The following TMEM179B variants were observed in gnomAD, a reference collection of about 807,000 sequenced individuals.
TMEM179B encodes the protein transmembrane protein 179B.
A neutral mutation model predicts 18.0 loss-of-function variants in TMEM179B; 13 were observed. That is an observed-to-expected ratio of 0.72 (90% CI 0.47 to 1.15). The LOEUF (loss-of-function observed/expected upper bound fraction) is 1.15. Ranked by LOEUF, TMEM179B falls within the 50% of genes most tolerant of loss-of-function variation. The probability of loss-of-function intolerance (pLI) is 0.00; values close to 1 mark genes in which losing one functional copy is unlikely to be tolerated. For missense variants in TMEM179B, 320 were observed against 270.6 expected, an observed-to-expected ratio of 1.18 and a Z score of -1.28; for synonymous variants, 159 against 117.5, an observed-to-expected ratio of 1.35 and a Z score of -2.29.
chr11:62,787,437 G>C lies in TMEM179B; in HGVS notation c.6G>C (p.Ala2=). The C allele has an allele frequency of 1.3e-6, 2 of 1,563,930 alleles. No homozygotes were observed. The highest frequency in any genetic ancestry group is 1.7e-6 in the Non-Finnish European group (2 of 1,161,952). The change falls in exon 1 of 5, where the codon GCG becomes GCC. Residue 2 remains alanine (A), a synonymous_variant. Transcript: ENST00000333449. M[A]LSWLQRVELA... ...TTCCTGGTGGTCAGGGCGCCATGGCGCTGTCCTGGCTGCAGCGCGTCGAGC... is the reference window on the plus strand; with the variant it reads ...TTCCTGGTGGTCAGGGCGCCATGGCCCTGTCCTGGCTGCAGCGCGTCGAGC...
Position 62,789,123 on chromosome 11 carries a change from T to C in TMEM179B, c.197T>C (p.Val66Ala), listed in dbSNP as rs763663903. Residue 66 changes from valine to alanine, a missense_variant, in exon 2 of 5, where the codon GTA becomes GCA. Coordinates refer to ENST00000333449, the MANE Select transcript of TMEM179B (RefSeq NM_199337.3). ...TCAGCACCATCCCTGTGCTACTTTG[T>C]AGCTGGGGCCTCTGGCCTCTTGGCC... ...RPSAPSLCYFVAGASGLLALY... is the reference protein window; with the variant it reads ...RPSAPSLCYFAAGASGLLALY... The C allele has an allele frequency of 6.2e-7, 1 of 1,614,208 alleles. No individual in the cohort carries two copies. Among genetic ancestry groups the C allele is most frequent in the South Asian group, 1.1e-5 (1 of 91,090 alleles).
chr11:62,787,492 G>C lies in TMEM179B; in HGVS notation c.61G>C (p.Gly21Arg). 1.3e-6 allele frequency: 2 copies of C among 1,579,780 alleles called. No individual in the cohort carries two copies. Among genetic ancestry groups the C allele is most frequent in the African/African-American group, 1.3e-5 (1 of 74,320 alleles). Residue 21 changes from glycine (G) to arginine (R), a missense_variant, in exon 1 of 5, where the codon GGG (glycine) becomes CGG (arginine). Physicochemically the swap from Gly to Arg is moderately radical, Grantham distance 125 (BLOSUM62 -2). Transcript: ENST00000333449. ...GCTCTTTGCTGCCGCCTTCCTGTGC[G>C]GGGCCGTGGCGGCCGCGGCGATGAC... is the stretch of plus-strand genomic sequence containing the variant. Reference protein sequence around the residue: ...LALFAAAFLCGAVAAAAMTRT... With the variant: ...LALFAAAFLCRAVAAAAMTRT...
rs772122772 is a variant in TMEM179B, at chr11:62,790,278, G to A, written c.*231G>A. The A allele has an allele frequency of 1.4e-5, 8 of 567,418 alleles. No individual in the cohort carries two copies. The highest frequency in any genetic ancestry group is 2.4e-5 in the Non-Finnish European group (8 of 332,680). 35.1% of individuals were successfully genotyped at this position (567,418 alleles called of 1,614,324 possible). A position where few individuals can be genotyped will look rare whatever the true frequency, so the allele number is the denominator to read the frequency against. On this transcript the variant is annotated 3_prime_UTR_variant, in exon 5 of 5. Transcript: ENST00000333449. Reference sequence around the variant, plus strand: ...AGTTTTTGATGTTAAAGTACAACTAGATAGGAGGAAGGAGTGAAGGCTAAG... The same window carrying A: ...AGTTTTTGATGTTAAAGTACAACTAAATAGGAGGAAGGAGTGAAGGCTAAG...
In TMEM179B at chr11:62,790,052, T is replaced by G; in HGVS notation, c.*5T>G. The stretch of plus-strand genomic sequence containing the variant: ...TCACGCCTTTCCCATTCCTGAAGAA[T>G]AAGCGGAGTGCTTCCTGCAGCCGAA... On this transcript the variant is annotated 3_prime_UTR_variant, in exon 5 of 5. Coordinates refer to ENST00000333449, the MANE Select transcript of TMEM179B (RefSeq NM_199337.3). 7 of 1,604,252 alleles carry G rather than the reference T, an allele frequency of 4.4e-6. No individual in the cohort carries two copies. The highest frequency in any genetic ancestry group is 6.0e-6 in the Non-Finnish European group (7 of 1,174,674).
At chr11:62,788,571 G>A (rs1010631798) in intron 1 of TMEM179B, among the ~76,000 whole-genome samples, 2 of 151,862 alleles carry the variant, frequency 1.3e-5, no homozygotes, top group African/African-American at 4.8e-5. Context: ...AGGCATGGTG[G>A]CGGGTGCCTG....
chr11:62,788,536 C>G (rs897659612), intron 1 of TMEM179B, among the ~76,000 whole-genome samples: 1 of 152,114 alleles, frequency 6.6e-6, no homozygotes, highest in African/African-American at 2.4e-5. Context: ...AACCCTGTCT[C>G]TACTAAAAAT....
intron 3 of TMEM179B, 65 bp downstream of exon 3, chr11:62,789,491 A>C: frequency 1.2e-6 from 2 of 1,608,138 alleles, no homozygotes; most frequent in Non-Finnish European, 8.5e-7. Context: ...GGGGTCCTAT[A>C]ATTTCCTTTT....
At chr11:62,788,190 G>A (rs914053830) in intron 1 of TMEM179B, among the ~76,000 whole-genome samples, 2 of 151,568 alleles carry the variant, frequency 1.3e-5, no homozygotes, top group Admixed American at 1.3e-4. Flanking sequence ...ATCACTTGAG[G>A]TCAGGAGTTC....
chr11:62,789,526 A>C, intron 3 of TMEM179B, 75 bp from the exon 4 acceptor site: 1 of 1,586,512 alleles, frequency 6.3e-7, no homozygotes, highest in South Asian at 1.1e-5. Context: ...CTCTCAACTC[A>C]CAGGGCACTG....
chr11:62,787,408 G>T lies in TMEM179B; in HGVS notation c.-24G>T. 6.4e-7 allele frequency: 1 copy of T among 1,556,018 alleles called. No individual in the cohort carries two copies. Among genetic ancestry groups the T allele is most frequent in the Non-Finnish European group, 8.6e-7 (1 of 1,159,158 alleles). ...CTTTGGGCGGGGTGCTGCTGCAGCGGCGCTTCCTGGTGGTCAGGGCGCCAT... is the reference window on the plus strand; with the variant it reads ...CTTTGGGCGGGGTGCTGCTGCAGCGTCGCTTCCTGGTGGTCAGGGCGCCAT... On this transcript the variant is annotated 5_prime_UTR_variant, in exon 1 of 5. Transcript: ENST00000333449.
Position 62,787,405 on chromosome 11 carries a change from G to A in TMEM179B, c.-27G>A. ...GGGCTTTGGGCGGGGTGCTGCTGCA[G>A]CGGCGCTTCCTGGTGGTCAGGGCGC... is the stretch of plus-strand genomic sequence containing the variant. On this transcript the variant is annotated 5_prime_UTR_variant, in exon 1 of 5. Coordinates refer to ENST00000333449, the MANE Select transcript of TMEM179B (RefSeq NM_199337.3). 6.4e-7 allele frequency: 1 copy of A among 1,557,000 alleles called. No homozygotes were observed. The highest frequency in any genetic ancestry group is 8.6e-7 in the Non-Finnish European group (1 of 1,159,744).
chr11:62,789,008 A>G lies in TMEM179B; in HGVS notation c.97-15A>G. The G allele has an allele frequency of 6.2e-7, 1 of 1,602,896 alleles. No homozygotes were observed. The highest frequency in any genetic ancestry group is 1.1e-5 in the South Asian group (1 of 90,594). On this transcript the variant is annotated splice_polypyrimidine_tract_variant and intron_variant, in intron 1 of 4. Transcript: ENST00000333449. ...ATTAACCTGAAATCTAGGACTCAGC[A>G]GCTTCTCTCCACAGGGCTCCTTCAG...
chr11:62,789,322 C>A lies in TMEM179B; in HGVS notation c.315C>A (p.Ala105=). 6.2e-7 allele frequency: 1 copy of A among 1,614,062 alleles called. No homozygotes were observed. Among genetic ancestry groups the A allele is most frequent in the Non-Finnish European group, 8.5e-7 (1 of 1,179,996 alleles). ...CTATAGGGCTGCGCATTGCACTGGC[C>A]ATCTCAGCTATAGCCGTCTTCCTGG... ...RGAIGLRIAL[A]ISAIAVFLVL... is the part of the protein sequence containing the mutation. The change falls in exon 3 of 5, where the codon GCC becomes GCA. Residue 105 remains alanine, a synonymous_variant. Coordinates refer to ENST00000333449, the MANE Select transcript of TMEM179B (RefSeq NM_199337.3).
Position 62,789,165 on chromosome 11 carries a change from T to C in TMEM179B, c.239T>C (p.Leu80Pro). 6.2e-7 allele frequency: 1 copy of C among 1,614,170 alleles called. No homozygotes were observed. The highest frequency in any genetic ancestry group is 8.5e-7 in the Non-Finnish European group (1 of 1,180,030). Reference sequence around the variant, plus strand: ...CTCTTGGCCCTCTACTGCCTCCTGCTTTTGCTCTTCTGGATCTACAGCAGC... The same window carrying C: ...CTCTTGGCCCTCTACTGCCTCCTGCCTTTGCTCTTCTGGATCTACAGCAGC... Reference protein sequence around the residue: ...SGLLALYCLLLLLFWIYSSCI... With the variant: ...SGLLALYCLLPLLFWIYSSCI... The change falls in exon 2 of 5, where the codon CTT becomes CCT. Residue 80 changes from leucine (L) to proline (P), a missense_variant. Transcript: ENST00000333449.
chr11:62,787,638 G>A (rs572874869), intron 1 of TMEM179B, 111 bp downstream of exon 1: 1 of 1,336,656 alleles, frequency 7.5e-7, no homozygotes, highest in South Asian at 1.5e-5. Flanking sequence ...CGGTGGACCT[G>A]GTGAGGCACG....
rs1052852623 is a variant in TMEM179B, at chr11:62,787,439, T to A, written c.8T>A (p.Leu3Gln). The A allele has an allele frequency of 1.3e-6, 2 of 1,565,512 alleles. No individual in the cohort carries two copies. Among genetic ancestry groups the A allele is most frequent in the African/African-American group, 2.7e-5 (2 of 73,438 alleles). The change falls in exon 1 of 5, where the codon CTG becomes CAG. Residue 3 changes from leucine to glutamine, a missense_variant. Physicochemically the swap from Leu to Gln is moderately radical, Grantham distance 113 (BLOSUM62 -2). Coordinates refer to ENST00000333449, the MANE Select transcript of TMEM179B (RefSeq NM_199337.3). The part of the protein sequence containing the change: MA[L>Q]SWLQRVELAL... ...CCTGGTGGTCAGGGCGCCATGGCGC[T>A]GTCCTGGCTGCAGCGCGTCGAGCTT...
rs758719630 is a variant in TMEM179B at position 62,787,441 on chromosome 11, T to G, written c.10T>G (p.Ser4Ala). 2 of 1,568,878 alleles carry G rather than the reference T, an allele frequency of 1.3e-6. No homozygotes were observed. The highest frequency in any genetic ancestry group is 1.7e-6 in the Non-Finnish European group (2 of 1,164,556). Reference sequence around the variant, plus strand: ...TGGTGGTCAGGGCGCCATGGCGCTGTCCTGGCTGCAGCGCGTCGAGCTTGC... The same window carrying G: ...TGGTGGTCAGGGCGCCATGGCGCTGGCCTGGCTGCAGCGCGTCGAGCTTGC... The part of the protein sequence containing the change: MAL[S>A]WLQRVELALF... Residue 4 changes from serine to alanine, a missense_variant, in exon 1 of 5, where the codon TCC becomes GCC. Transcript: ENST00000333449.
chr11:62,788,973 A>G (rs778574561), intron 1 of TMEM179B, 50 bp from the exon 2 acceptor site: 4 of 1,565,822 alleles, frequency 2.6e-6, no homozygotes, highest in Non-Finnish European at 1.7e-6. Context: ...AAGAGACTGT[A>G]TCTAGAGACA....
intron 3 of TMEM179B, 79 bp downstream of exon 3, chr11:62,789,505 C>G: frequency 6.3e-7 from 1 of 1,599,856 alleles, no homozygotes; most frequent in Non-Finnish European, 8.5e-7. Flanking sequence ...TCCTTTTATC[C>G]CCATCAGTTG....
Sources: allele counts gnomAD v4.1 joint callset (sites outside exome capture counted in the v4.1 genomes callset), GRCh38; gene constraint gnomAD v4.1.1; transcripts MANE v1.5; gene names NCBI Gene and HGNC (gene_info 2026-07-23, HGNC 2026-07-21).